ABI2: variants seen among roughly 807,000 people sequenced by gnomAD.
ABI2 encodes the protein abl interactor 2, also known as abelson interactor 2.
ABI2 carries 25 observed loss-of-function variants against 59.2 expected under a neutral mutation model. That is an observed-to-expected ratio of 0.42 (90% CI 0.31 to 0.59). The LOEUF is 0.59. Among genes scored for constraint, ABI2 ranks in the 20% least tolerant of loss-of-function variants. The pLI, the probability that ABI2 is intolerant of heterozygous loss-of-function variation, is 0.14. For synonymous variants in ABI2, 213 were observed against 235.5 expected, an observed-to-expected ratio of 0.90 and a Z score of 0.87; for missense variants, 545 against 681.8, an observed-to-expected ratio of 0.80 and a Z score of 2.23.
chr2:203,348,462 A>G (rs1408638974), intron 1 of ABI2, among the ~76,000 whole-genome samples: 1 of 152,312 alleles, frequency 6.6e-6, no homozygotes, highest in East Asian at 1.9e-4. Flanking sequence ...TTACATGTGC[A>G]GCTATGAAAG....
chr2:203,331,675 T>TAG (rs774156753), intron 1 of ABI2, among the ~76,000 whole-genome samples: 8 of 151,958 alleles, frequency 5.3e-5, no homozygotes, highest in Non-Finnish European at 7.4e-5. Context: ...AGCCTTATTA[T>TAG]AGCATCATGT....
In ABI2 at chr2:203,341,370, G is replaced by A. The variant is rs539105111; in HGVS notation, c.117+12739G>A. ...CTCCGTAAATATTCGCTAAATGAGC[G>A]AATTAGATCTTTTCTAGTAAGCATT... is the stretch of plus-strand genomic sequence containing the variant. On this transcript the variant is annotated intron_variant, in intron 1 of 11. Transcript: ENST00000261018. Among the ~76,000 whole-genome samples, 13 of 152,254 alleles carry A rather than the reference G, an allele frequency of 8.5e-5. No individual in the cohort carries two copies. In the South Asian group the frequency reaches 2.5e-3, roughly 29 times the overall value.
At chr2:203,350,883 TGTGTGTGTGC>T (rs1016316248) in intron 1 of ABI2, among the ~76,000 whole-genome samples, 7 of 116,904 alleles carry the variant, frequency 6.0e-5, no homozygotes, top group Non-Finnish European at 9.8e-5. Context: ...TGTGTGTGTG[TGTGTGTGTGC>T]GCGCGCGCAT....
At chr2:203,335,106 G>A (rs1261418068) in intron 1 of ABI2, among the ~76,000 whole-genome samples, 1 of 152,160 alleles carries the variant, frequency 6.6e-6, no homozygotes, top group African/African-American at 2.4e-5. Flanking sequence ...GCTCCTAGAA[G>A]ATGGAGTCAT....
intron 11 of ABI2, among the ~76,000 whole-genome samples, chr2:203,421,144 C>CT (rs1415514794): frequency 6.6e-6 from 1 of 151,958 alleles, no homozygotes; most frequent in African/African-American, 2.4e-5. Flanking sequence ...ACTTATGTAA[C>CT]TTTTTTTGGA....
At chr2:203,405,480 A>G (rs996785295) in intron 9 of ABI2, among the ~76,000 whole-genome samples, 4 of 151,924 alleles carry the variant, frequency 2.6e-5, no homozygotes, top group Non-Finnish European at 5.9e-5. Context: ...AACCTAGGAG[A>G]TGGAAGTTTC....
intron 1 of ABI2, among the ~76,000 whole-genome samples, chr2:203,338,321 G>C (rs767874280): frequency 1.3e-5 from 2 of 152,100 alleles, no homozygotes; most frequent in Admixed American, 6.5e-5. Context: ...GTATGGGTCA[G>C]ATGTTTGTTC....
At chr2:203,398,321 A>G (rs2097090353) in intron 8 of ABI2, among the ~76,000 whole-genome samples, 1 of 152,206 alleles carries the variant, frequency 6.6e-6, no homozygotes, top group African/African-American at 2.4e-5. Flanking sequence ...TAAAGAATGC[A>G]TCAGAAAGGA....
chr2:203,417,364 G>A (rs147290778), intron 11 of ABI2, among the ~76,000 whole-genome samples: 3 of 152,260 alleles, frequency 2.0e-5, no homozygotes, highest in East Asian at 3.9e-4. Flanking sequence ...TTGGCCTCAG[G>A]AAGATTATTT....
At chr2:203,413,317 C>T (rs764909765) in intron 10 of ABI2, among the ~76,000 whole-genome samples, 7 of 152,110 alleles carry the variant, frequency 4.6e-5, no homozygotes, top group Admixed American at 2.6e-4. Flanking sequence ...CATTGGTTTT[C>T]GCCAGTCACC....
chr2:203,408,849 T>TTTTTTTTTTTTTTATAAG (rs2097541704), intron 9 of ABI2, among the ~76,000 whole-genome samples: 1 of 122,408 alleles, frequency 8.2e-6, no homozygotes. Flanking sequence ...TTTTTTTTTT[T>TTTTTTTTTTTTTTATAAG]GAGACGGAGT....
Position 203,344,532 on chromosome 2 carries a change from A to G in ABI2, c.117+15901A>G, listed in dbSNP as rs868847129. Among the ~76,000 whole-genome samples the G allele has an allele frequency of 3.4e-5, 5 of 145,732 alleles. No homozygotes were observed. In the South Asian group the frequency reaches 1.1e-3, roughly 32 times the overall value. On this transcript the variant is annotated intron_variant, in intron 1 of 11. Coordinates refer to ENST00000261018, the MANE Select transcript of ABI2 (RefSeq NM_001375670.1). ...AGGCAACTGCCGCCACACCCGGCTA[A>G]TTTTTGCTTTGTTGTTGTTGTTGTT...
chr2:203,332,430 T>C (rs2074245316), intron 1 of ABI2, among the ~76,000 whole-genome samples: 1 of 151,960 alleles, frequency 6.6e-6, no homozygotes, highest in Non-Finnish European at 1.5e-5. Context: ...ATCCAGACCA[T>C]CCTGGCCAAC....
rs777951265 is a variant in ABI2 at position 203,374,498 on chromosome 2, C to CAAAAAAAAA, written c.286-5697_286-5689dup. 2.6e-4 allele frequency among the ~76,000 whole-genome samples: 14 copies of CAAAAAAAAA among 53,858 alleles called. 1 individual carries two copies. Among genetic ancestry groups the CAAAAAAAAA allele is most frequent in the Admixed American group, 9.6e-4 (5 of 5,226 alleles). 35.3% of individuals were successfully genotyped at this position (53,858 alleles called of 152,430 possible). A position where few individuals can be genotyped will look rare whatever the true frequency, so the allele number is the denominator to read the frequency against. On this transcript the variant is annotated intron_variant, in intron 2 of 11. Transcript: ENST00000261018. ...TGGGTGGCAAAGCGAGACTCTGTCT[C>CAAAAAAAAA]AAAAAAAAAAAAAAAAAAAAAGGAA... is the stretch of plus-strand genomic sequence containing the variant.
chr2:203,410,102 C>A (rs1271866434), intron 9 of ABI2, among the ~76,000 whole-genome samples: 1 of 152,176 alleles, frequency 6.6e-6, no homozygotes, highest in Admixed American at 6.5e-5. Flanking sequence ...GATTATCTTT[C>A]TCAACCCCTG....
intron 1 of ABI2, among the ~76,000 whole-genome samples, chr2:203,356,589 C>T (rs999876375): frequency 1.3e-5 from 2 of 152,038 alleles, no homozygotes; most frequent in Admixed American, 6.6e-5. Flanking sequence ...AGGCTGGTCT[C>T]GAACTCCTGA....
At chr2:203,379,262 T>C (rs1221467431) in intron 2 of ABI2, among the ~76,000 whole-genome samples, 1 of 152,224 alleles carries the variant, frequency 6.6e-6, no homozygotes, top group Non-Finnish European at 1.5e-5. Context: ...CTTTTTTGTT[T>C]TTTGACACAG....
At chr2:203,359,672 C>T (rs990848745) in intron 1 of ABI2, among the ~76,000 whole-genome samples, 26 of 152,138 alleles carry the variant, frequency 1.7e-4, no homozygotes, top group Non-Finnish European at 2.1e-4. Context: ...ACCTGTTCCT[C>T]ATAAATGGTG....
chr2:203,404,511 G>A (rs969113779), intron 9 of ABI2, among the ~76,000 whole-genome samples: 3 of 152,052 alleles, frequency 2.0e-5, no homozygotes, highest in African/African-American at 7.2e-5. Flanking sequence ...ACTCACATTT[G>A]TTCAGGAGCA....
Sources: gnomAD v4.1 joint callset for allele counts (sites outside exome capture counted in the v4.1 genomes callset) on GRCh38, gnomAD v4.1.1 for gene constraint, MANE v1.5 for transcripts, NCBI Gene and HGNC (gene_info 2026-07-23, HGNC 2026-07-21) for gene names.